Variants in SMTN observed in about 807,000 individuals in gnomAD.
The protein encoded by SMTN is smoothelin.
Under a neutral mutation model 102.0 loss-of-function variants are expected in SMTN, and 58 were observed. The ratio of observed to expected loss-of-function variants is 0.57; its 90% confidence interval spans 0.46 to 0.71. The LOEUF (loss-of-function observed/expected upper bound fraction) is 0.71. Ranked by LOEUF, SMTN falls within the 30% of genes least tolerant of loss-of-function variation. The pLI is 0.00. For missense variants in SMTN, 1,185 were observed against 1,241.7 expected, an observed-to-expected ratio of 0.95 and a Z score of 0.69; for synonymous variants, 478 against 497.9, an observed-to-expected ratio of 0.96 and a Z score of 0.53.
intron 17 of SMTN, 52 bp downstream of exon 17, chr22:31,098,892 G>T (rs940382672): frequency 6.4e-7 from 1 of 1,552,398 alleles, no homozygotes; most frequent in East Asian, 2.3e-5. Flanking sequence ...GATAGGCAGT[G>T]GGGGGCGGGG....
At chr22:31,078,543 A>G (rs2042184074), upstream of SMTN, among the ~76,000 whole-genome samples, 1 of 152,246 alleles carries the variant, frequency 6.6e-6, no homozygotes, top group Non-Finnish European at 1.5e-5. Flanking sequence ...GGTGCCCACA[A>G]GATACATTCA....
intron 2 of SMTN, among the ~76,000 whole-genome samples, chr22:31,085,458 A>C (rs2042625007): frequency 6.6e-6 from 1 of 152,182 alleles, no homozygotes; most frequent in Non-Finnish European, 1.5e-5. Context: ...GCTGTTGGGG[A>C]GACTGAGGCC....
At chr22:31,078,913 A>G (rs564497121), upstream of SMTN, among the ~76,000 whole-genome samples, 4 of 152,312 alleles carry the variant, frequency 2.6e-5, 1 homozygote, top group East Asian at 7.7e-4. Context: ...CAAGTGTGAC[A>G]CACAGTTTAT....
At chr22:31,076,347 G>T (rs1296716270), upstream of SMTN, among the ~76,000 whole-genome samples, 2 of 152,204 alleles carry the variant, frequency 1.3e-5, no homozygotes, top group Non-Finnish European at 2.9e-5. Flanking sequence ...CATCCACCCC[G>T]CTGTCTACAG....
intron 2 of SMTN, among the ~76,000 whole-genome samples, chr22:31,084,687 C>T (rs775957291): frequency 6.6e-6 from 1 of 152,254 alleles, no homozygotes; most frequent in African/African-American, 2.4e-5. Context: ...CAGCCGCCAC[C>T]TCCCTCTCTT....
In SMTN at chr22:31,098,698, C is replaced by T. The variant is rs2043814009; in HGVS notation, c.2191C>T (p.Arg731Trp). ...CGACCGCGAGGACCAGGCCAGCCCA[C>T]GGGCCGGCAGCCTGGCGGCGCTCGA... Reference protein sequence around the residue: ...IFDREDQASPRAGSLAALEKR... With the variant: ...IFDREDQASPWAGSLAALEKR... The change falls in exon 17 of 21, where the codon CGG (arginine) becomes TGG (tryptophan). Residue 731 changes from arginine to tryptophan, a missense_variant. Coordinates refer to ENST00000333137, the MANE Select transcript of SMTN (RefSeq NM_134269.3). 6.2e-7 allele frequency: 1 copy of T among 1,613,420 alleles called. No individual in the cohort carries two copies. The highest frequency in any genetic ancestry group is 8.5e-7 in the Non-Finnish European group (1 of 1,179,934).
chr22:31,096,888 G>T lies in SMTN; in HGVS notation c.2017G>T (p.Val673Phe), dbSNP rs771689259. The change falls in exon 14 of 21, where the codon GTC becomes TTC. Residue 673 changes from valine (V) to phenylalanine (F), a missense_variant. Around this residue, in one of 2 missense-constraint regions of SMTN, gnomAD observed 1,096 missense variants for 1,112.7 expected, o/e 0.98. Coordinates refer to ENST00000333137, the MANE Select transcript of SMTN (RefSeq NM_134269.3). ...CACTGTTACCAAGACTGAGCGGCTCGTCCACTCCAGTAAGGGGCCAAATGG... is the reference window on the plus strand; with the variant it reads ...CACTGTTACCAAGACTGAGCGGCTCTTCCACTCCAGTAAGGGGCCAAATGG... The part of the protein sequence containing the change: ...VSTVTKTERL[V>F]HSNDGTRTAR... 3 of 1,588,830 alleles carry T rather than the reference G, an allele frequency of 1.9e-6. No homozygotes were observed. Among genetic ancestry groups the T allele is most frequent in the Non-Finnish European group, 2.6e-6 (3 of 1,166,116 alleles).
intron 1 of SMTN, among the ~76,000 whole-genome samples, chr22:31,073,230 CACAT>C (rs1200750038): frequency 1.4e-5 from 2 of 141,366 alleles, no homozygotes; most frequent in Non-Finnish European, 3.0e-5. Flanking sequence ...ACTCCCACCA[CACAT>C]ACAGACACAG....
intron 1 of SMTN, among the ~76,000 whole-genome samples, chr22:31,075,086 CAA>C (rs967294502): frequency 9.8e-5 from 15 of 152,294 alleles, no homozygotes; most frequent in Middle Eastern, 3.4e-3. Flanking sequence ...CCACCGTACT[CAA>C]GTTTGTCTGT....
In SMTN at chr22:31,090,113, G is replaced by T; in HGVS notation, c.798G>T (p.Leu266=). 2.5e-6 allele frequency: 4 copies of T among 1,612,222 alleles called. No individual in the cohort carries two copies. The highest frequency in any genetic ancestry group is 3.4e-6 in the Non-Finnish European group (4 of 1,179,092). The change falls in exon 8 of 21, where the codon CTG becomes CTT. Residue 266 remains leucine (L), a synonymous_variant. Coordinates refer to ENST00000333137, the MANE Select transcript of SMTN (RefSeq NM_134269.3). The stretch of plus-strand genomic sequence containing the variant: ...CCTGTTCTTCTCCCTTGCAGCTTCT[G>T]TCTGGCCCCAAAGAGACCCCTGCTG... ...STEGQVVNKL[L]SGPKETPAAQ... is the part of the protein sequence containing the mutation.
chr22:31,090,270 G>A lies in SMTN; in HGVS notation c.865+90G>A, dbSNP rs2043021990. ...GCCTAGAAAATGGGCTCTTGTGCCT[G>A]GCAGCTCTAGCTTCCTCAGGTCCAT... On this transcript the variant is annotated intron_variant, in intron 8 of 20. Transcript: ENST00000333137. 7 of 1,059,746 alleles carry A rather than the reference G, an allele frequency of 6.6e-6. No homozygotes were observed. In the South Asian group the frequency reaches 7.8e-5, roughly 12 times the overall value. 65.6% of individuals were successfully genotyped at this position (1,059,746 alleles called of 1,614,324 possible).
chr22:31,068,699 G>A (rs1402585305), intron 1 of SMTN, among the ~76,000 whole-genome samples: 1 of 152,160 alleles, frequency 6.6e-6, no homozygotes, highest in Non-Finnish European at 1.5e-5. Flanking sequence ...TCTAGGTCCT[G>A]GGGACCGTGT....
upstream of SMTN, among the ~76,000 whole-genome samples, chr22:31,078,869 C>T (rs1258781470): frequency 1.4e-5 from 2 of 145,792 alleles, no homozygotes; most frequent in Non-Finnish European, 3.0e-5. Flanking sequence ...CACAGCAAGA[C>T]CCTGTCTCCA....
intron 1 of SMTN, among the ~76,000 whole-genome samples, chr22:31,072,439 C>A (rs9621175): frequency 0.12 from 17,999 of 152,180 alleles, 1,144 homozygotes; most frequent in African/African-American, 0.13. Context: ...AGTTCCTCAA[C>A]CTTTCTGAGT....
At chr22:31,094,743 A>G (rs4820039) in intron 11 of SMTN, among the ~76,000 whole-genome samples, 75,228 of 150,422 alleles carry the variant, frequency 0.5, 19,512 homozygotes, top group Middle Eastern at 0.6. Context: ...GTGCAGCTGC[A>G]TGATCATAGC....
chr22:31,078,568 C>T (rs12330058), upstream of SMTN, among the ~76,000 whole-genome samples: 17,988 of 152,310 alleles, frequency 0.12, 1,149 homozygotes, highest in African/African-American at 0.13. Flanking sequence ...GCTCATCTGG[C>T]ATTCAGAATC....
At chr22:31,071,064 A>T (rs1353260628) in intron 1 of SMTN, among the ~76,000 whole-genome samples, 1 of 152,056 alleles carries the variant, frequency 6.6e-6, no homozygotes, top group Non-Finnish European at 1.5e-5. Context: ...ACACAGCAAG[A>T]TCCCATCTGT....
At chr22:31,075,667 C>T (rs1198937077) in intron 1 of SMTN, among the ~76,000 whole-genome samples, 16 of 141,326 alleles carry the variant, frequency 1.1e-4, no homozygotes, top group Non-Finnish European at 1.7e-4. Flanking sequence ...GGTGACAGAG[C>T]GAGACTCTGT....
At chr22:31,073,011 C>CTTTTTTT (rs59040826) in intron 1 of SMTN, among the ~76,000 whole-genome samples, 1,213 of 85,604 alleles carry the variant, frequency 0.014, 126 homozygotes, top group African/African-American at 0.046. Flanking sequence ...CTCTCTCTCT[C>CTTTTTTT]TTTTTTTTTT....
Sources: gnomAD v4.1 joint callset for allele counts (sites outside exome capture counted in the v4.1 genomes callset) on GRCh38, gnomAD v4.1.1 for gene constraint, gnomAD v4.1.1 regional missense constraint, MANE v1.5 for transcripts, NCBI Gene and HGNC (gene_info 2026-07-23, HGNC 2026-07-21) for gene names.